The following SEMA4G variants were observed in gnomAD, a reference collection of about 807,000 sequenced individuals.
SEMA4G encodes semaphorin 4G, also known as semaphorin-4G.
SEMA4G carries 59 observed loss-of-function variants against 81.2 expected under a neutral mutation model. The ratio of observed to expected loss-of-function variants is 0.73; its 90% confidence interval spans 0.59 to 0.90. The LOEUF is 0.90. Ranked by LOEUF, SEMA4G falls within the 40% of genes least tolerant of loss-of-function variation. The pLI is 0.00. For synonymous variants in SEMA4G, 404 were observed against 433.9 expected (o/e 0.93, Z 0.86); for missense variants, 952 against 1,102.3 (o/e 0.86, Z 1.93).
exon 7 of SEMA4G, chr10:100,978,988 C>A (rs868505946): frequency 2.5e-6 from 4 of 1,614,180 alleles, no homozygotes; most frequent in Middle Eastern, 1.6e-4. Flanking sequence ...GCAGCAGTCA[C>A]CGTGTGGCCC....
rs914647933 is a variant in SEMA4G at position 100,978,199 on chromosome 10, C to A, written c.436-96C>A. 1.2e-5 allele frequency: 10 copies of A among 827,250 alleles called. No individual in the cohort carries two copies. The African/African-American group carries it at 1.4e-4, about 11-fold the overall frequency. 51.2% of individuals were successfully genotyped at this position (827,250 alleles called of 1,614,324 possible). A position where few individuals can be genotyped will look rare whatever the true frequency, so the allele number is the denominator to read the frequency against. On this transcript the variant is annotated intron_variant, in intron 4 of 13. Coordinates refer to ENST00000370250, the Ensembl canonical transcript of SEMA4G. ...ATCTGCCATACAACCTGCCCCTATC[C>A]CTGATCGCTGATCCCTGACCCCAGA... is the stretch of plus-strand genomic sequence containing the variant.
At chr10:100,979,965 T>G (rs751463430) in exon 9 of SEMA4G, 23 of 1,613,760 alleles carry the variant, frequency 1.4e-5, no homozygotes, top group Non-Finnish European at 1.9e-5. Context: ...GCTATGAGGG[T>G]GGGGTGCCTG....
rs752321009 is a variant in SEMA4G, at chr10:100,978,666, T to TG, written c.643+32dup. The TG allele has an allele frequency of 2.6e-4, 410 of 1,600,338 alleles. 1 individual carries two copies. Among genetic ancestry groups the TG allele is most frequent in the Non-Finnish European group, 3.4e-4 (396 of 1,167,662 alleles). ...GTTAGGAGGATGAGGCACAGGATGA[T>TG]GGGGGGTAGGGGACTATTTCTTCAT... On this transcript the variant is annotated intron_variant, in intron 6 of 13. Transcript: ENST00000370250.
upstream of SEMA4G, chr10:100,969,714 C>G (rs934300461): frequency 4.2e-5 from 16 of 379,096 alleles, no homozygotes; most frequent in Middle Eastern, 8.8e-4. Context: ...TTTCTCACCA[C>G]CAAGTCCCCC....
At chr10:100,984,891 TGA>T (rs1031921038), downstream of SEMA4G, 14 of 1,466,734 alleles carry the variant, frequency 9.5e-6, no homozygotes, top group African/African-American at 1.4e-5. Flanking sequence ...CTCAAGAGTA[TGA>T]GAGACAGAGC....
rs1445862602 is a variant in SEMA4G at position 100,980,349 on chromosome 10, TTCTGATCCCAATC to T, written c.1351+6_1351+18del. 6.2e-7 allele frequency: 1 copy of T among 1,611,712 alleles called. No homozygotes were observed. The highest frequency in any genetic ancestry group is 8.5e-7 in the Non-Finnish European group (1 of 1,177,842). On this transcript the variant is annotated splice_donor_region_variant and intron_variant, in intron 10 of 13. Transcript: ENST00000370250. Reference sequence around the variant, plus strand: ...ACCTGCTCTTTCTGGGCACAGGTGCTTCTGATCCCAATCCCTGATCCCTGTTGGCCCTGATCAC... The same window carrying T: ...ACCTGCTCTTTCTGGGCACAGGTGCTCCTGATCCCTGTTGGCCCTGATCAC...
Position 100,979,410 on chromosome 10 carries a change from G to A in SEMA4G, c.983+139G>A, listed in dbSNP as rs1416248989. 6 of 1,574,048 alleles carry A rather than the reference G, an allele frequency of 3.8e-6. No homozygotes were observed. The Admixed American group carries it at 5.4e-5, about 14-fold the overall frequency. On this transcript the variant is annotated intron_variant, in intron 8 of 13. Transcript: ENST00000370250. ...AATTTTTTTTTTTTTTTAAGAGGGA[G>A]TCTTGCTCTGTTGCCAGGCTGGAGT... is the stretch of plus-strand genomic sequence containing the variant.
chr10:100,985,561 G>A (rs1397803701), downstream of SEMA4G: 2 of 152,690 alleles, frequency 1.3e-5, no homozygotes, highest in Middle Eastern at 3.4e-3. Context: ...AGAGTGGGGA[G>A]CCTGGGCTCA....
rs1289497150 is a variant in SEMA4G, at chr10:100,973,342, A to C, written c.273+65A>C. 1.9e-6 allele frequency: 3 copies of C among 1,588,050 alleles called. No individual in the cohort carries two copies. In the East Asian group the frequency reaches 6.8e-5, roughly 36 times the overall value. ...GCTTATCCAGCTCCCTGGGACCTCA[A>C]CTTCCTTAAAACCCTGCCAGCCTTC... is the stretch of plus-strand genomic sequence containing the variant. On this transcript the variant is annotated intron_variant, in intron 2 of 13. Coordinates refer to ENST00000370250, the Ensembl canonical transcript of SEMA4G. This position sits in a 1 kb window ranked among gnomAD's most constrained non-coding sequence, Gnocchi z 5.5.
At chr10:100,980,845 T>C in exon 12 of SEMA4G, 1 of 1,592,854 alleles carries the variant, frequency 6.3e-7, no homozygotes, top group Non-Finnish European at 8.5e-7. Flanking sequence ...TGGGGGCTCC[T>C]AGCGGAGTCA....
Position 100,978,907 on chromosome 10 carries a change from T to C in SEMA4G, c.702T>C (p.Asp234=), listed in dbSNP as rs752884133. 11 of 1,614,184 alleles carry C rather than the reference T, an allele frequency of 6.8e-6. No individual in the cohort carries two copies. In the South Asian group the frequency reaches 9.9e-5, roughly 15 times the overall value. ...AGAGCAAGGCCAGTGCAGTGGGTGA[T>C]GATGACAAGGTGTACTACTTCTTCA... Residue 234 remains aspartate, a synonymous_variant, in exon 7 of 14, where the codon GAT becomes GAC. Coordinates refer to ENST00000370250, the Ensembl canonical transcript of SEMA4G.
chr10:100,973,530 C>G lies in SEMA4G; in HGVS notation c.274-17C>G. ...ATTGGGGTCAGTGCATCAGCCTATTCCCTTTGCCTCCACTAGATCCACTGG... is the reference window on the plus strand; with the variant it reads ...ATTGGGGTCAGTGCATCAGCCTATTGCCTTTGCCTCCACTAGATCCACTGG... On this transcript the variant is annotated splice_polypyrimidine_tract_variant and intron_variant, in intron 2 of 13. Coordinates refer to ENST00000370250, the Ensembl canonical transcript of SEMA4G. This position sits in a 1 kb window ranked among gnomAD's most constrained non-coding sequence, Gnocchi z 5.5. 1 of 1,613,438 alleles carries G rather than the reference C, an allele frequency of 6.2e-7. No homozygotes were observed.
intron 3 of SEMA4G, chr10:100,975,160 CTG>C (rs1218734717): frequency 2.3e-6 from 1 of 431,870 alleles, no homozygotes; most frequent in African/African-American, 2.1e-5. Flanking sequence ...GGGTTTTATT[CTG>C]TGACAGTGAA....
chr10:100,975,960 A>G (rs1302986756), intron 3 of SEMA4G, among the ~76,000 whole-genome samples: 3 of 152,222 alleles, frequency 2.0e-5, no homozygotes, highest in Admixed American at 6.5e-5. Context: ...AGGAATATTT[A>G]TCTGGCCCCA....
chr10:100,979,899 G>A (rs190271357), exon 9 of SEMA4G: 1 of 1,614,108 alleles, frequency 6.2e-7, no homozygotes, highest in Non-Finnish European at 8.5e-7. Flanking sequence ...CAGAGATCCA[G>A]GCTGTCTTTG....
intron 3 of SEMA4G, among the ~76,000 whole-genome samples, chr10:100,974,753 T>C (rs986669393): frequency 4.6e-5 from 7 of 152,122 alleles, no homozygotes; most frequent in Non-Finnish European, 5.9e-5. Context: ...AGCTAAAGAA[T>C]AGGGTGTCTC....
intron 13 of SEMA4G, chr10:100,981,515 C>T: frequency 6.2e-7 from 1 of 1,614,096 alleles, no homozygotes; most frequent in Non-Finnish European, 8.5e-7. Flanking sequence ...GGTATTTCCC[C>T]AAGGAAGATC....
chr10:100,973,079 G>T lies in SEMA4G; in HGVS notation c.124+43G>T, dbSNP rs1267254233. On this transcript the variant is annotated intron_variant, in intron 1 of 13. Coordinates refer to ENST00000370250, the Ensembl canonical transcript of SEMA4G. The surrounding 1 kb of genome is among the most constrained non-coding windows in gnomAD (Gnocchi z 5.5). ...AAAAGGCAGCAGAAGCCAGGGCTGG[G>T]GGTGGGGAGGCACCCCAGAACTAGG... 2 of 1,614,146 alleles carry T rather than the reference G, an allele frequency of 1.2e-6. No individual in the cohort carries two copies. The highest frequency in any genetic ancestry group is 8.5e-7 in the Non-Finnish European group (1 of 1,180,020).
intron 3 of SEMA4G, among the ~76,000 whole-genome samples, chr10:100,976,679 G>A (rs1310278211): frequency 6.6e-6 from 1 of 152,170 alleles, no homozygotes; most frequent in Non-Finnish European, 1.5e-5. Flanking sequence ...GCAAAAGTGT[G>A]TTGTTTGGTA....
Sources: allele counts gnomAD v4.1 joint callset (sites outside exome capture counted in the v4.1 genomes callset), GRCh38; gene constraint gnomAD v4.1.1; non-coding constraint Gnocchi (gnomAD v3.1); transcripts MANE v1.5; gene names NCBI Gene and HGNC (gene_info 2026-07-23, HGNC 2026-07-21).